Variants in TMEM108 observed in about 807,000 individuals in gnomAD.
TMEM108 encodes transmembrane protein 108.
Under a neutral mutation model 35.1 loss-of-function variants are expected in TMEM108, and 12 were observed. The ratio of observed to expected loss-of-function variants is 0.34; its 90% CI spans 0.22 to 0.55. The LOEUF (loss-of-function observed/expected upper bound fraction) is 0.55, where lower values mean the gene tolerates loss of function less well. Among genes scored for constraint, TMEM108 ranks in the 20% least tolerant of loss-of-function variants. The pLI, the probability that TMEM108 is intolerant of heterozygous loss-of-function variation, is 0.89. For missense variants in TMEM108, 680 were observed against 753.3 expected (o/e 0.90, Z 1.14); for synonymous variants, 287 against 308.6 (o/e 0.93, Z 0.73).
At chr3:133,327,727 T>C (rs1338895600) in intron 3 of TMEM108, among the ~76,000 whole-genome samples, 1 of 152,070 alleles carries the variant, frequency 6.6e-6, no homozygotes, top group Non-Finnish European at 1.5e-5. Flanking sequence ...CCTTTCTGAA[T>C]GGAAAGAGCA....
At chr3:133,058,778 G>A (rs754276177) in intron 2 of TMEM108, among the ~76,000 whole-genome samples, 12 of 152,186 alleles carry the variant, frequency 7.9e-5, no homozygotes, top group Non-Finnish European at 1.6e-4. Flanking sequence ...TCCCCAATTA[G>A]ATAAGGAGGC....
chr3:133,199,099 T>A (rs1256040171), intron 2 of TMEM108, among the ~76,000 whole-genome samples: 1 of 152,252 alleles, frequency 6.6e-6, no homozygotes, highest in Non-Finnish European at 1.5e-5. Context: ...AGGTTGTGCA[T>A]TCGTCACCTA....
chr3:133,187,325 C>G (rs1191713616), intron 2 of TMEM108, among the ~76,000 whole-genome samples: 4 of 152,194 alleles, frequency 2.6e-5, no homozygotes, highest in Middle Eastern at 3.2e-3. Context: ...CCACTACCAA[C>G]TTCAGTGTTT....
At chr3:133,189,295 T>C (rs1052451610) in intron 2 of TMEM108, among the ~76,000 whole-genome samples, 1 of 152,226 alleles carries the variant, frequency 6.6e-6, no homozygotes, top group Non-Finnish European at 1.5e-5. Context: ...AGATGACCTT[T>C]ACATAGAGAG....
At chr3:133,235,907 G>A (rs974152377) in intron 3 of TMEM108, among the ~76,000 whole-genome samples, 12 of 152,104 alleles carry the variant, frequency 7.9e-5, no homozygotes, top group Admixed American at 3.9e-4. Context: ...AAGGTAAAGA[G>A]CGTCATCACA....
chr3:133,143,666 G>C (rs1019070814), intron 2 of TMEM108, among the ~76,000 whole-genome samples: 1 of 152,204 alleles, frequency 6.6e-6, no homozygotes, highest in African/African-American at 2.4e-5. Context: ...AGATTTAGGT[G>C]TGTAATTCTC....
chr3:133,342,252 C>T (rs2071678723), intron 3 of TMEM108, among the ~76,000 whole-genome samples: 1 of 151,380 alleles, frequency 6.6e-6, no homozygotes, highest in Non-Finnish European at 1.5e-5. Flanking sequence ...CAAAAGAAGA[C>T]ATACACATGT....
At chr3:133,206,558 C>T (rs949623183) in intron 2 of TMEM108, among the ~76,000 whole-genome samples, 6 of 152,212 alleles carry the variant, frequency 3.9e-5, no homozygotes, top group Admixed American at 1.3e-4. Flanking sequence ...AGTCAGGCCC[C>T]TCTGCTGCAG....
chr3:133,240,662 A>G (rs549654719), intron 3 of TMEM108, among the ~76,000 whole-genome samples: 1 of 152,318 alleles, frequency 6.6e-6, no homozygotes, highest in East Asian at 1.9e-4. Flanking sequence ...TAGAATTTCA[A>G]GCTCTCATGT....
At chr3:133,201,871 G>A (rs112565547) in intron 2 of TMEM108, among the ~76,000 whole-genome samples, 2,489 of 152,164 alleles carry the variant, frequency 0.016, 78 homozygotes, top group African/African-American at 0.051. Context: ...TTGAGGGATC[G>A]CCACACTGTC....
At chr3:133,297,737 G>T (rs1947166056) in intron 3 of TMEM108, among the ~76,000 whole-genome samples, 1 of 152,202 alleles carries the variant, frequency 6.6e-6, no homozygotes, top group African/African-American at 2.4e-5. Flanking sequence ...AGAGCAAAAG[G>T]AGTGGTGGGG....
intron 3 of TMEM108, chr3:133,378,343 G>A (rs1410623471): frequency 8.1e-6 from 8 of 985,368 alleles, no homozygotes; most frequent in African/African-American, 1.7e-5. Flanking sequence ...TCTCGCCAGG[G>A]CCCTGCCTTC....
chr3:133,390,166 C>T lies in TMEM108; in HGVS notation c.1451-14C>T. 3 of 1,613,912 alleles carry T rather than the reference C, an allele frequency of 1.9e-6. No individual in the cohort carries two copies. The highest frequency in any genetic ancestry group is 2.5e-6 in the Non-Finnish European group (3 of 1,179,856). On this transcript the variant is annotated splice_polypyrimidine_tract_variant and intron_variant, in intron 4 of 5. Transcript: ENST00000321871. ...CTGCCTCCCTCTCCTCTCTGACTTGCACTCTCTCCATAGCTGTCCTGCTGA... is the reference window on the plus strand; with the variant it reads ...CTGCCTCCCTCTCCTCTCTGACTTGTACTCTCTCCATAGCTGTCCTGCTGA...
intron 3 of TMEM108, among the ~76,000 whole-genome samples, chr3:133,344,335 AAAT>A (rs1237956390): frequency 2.6e-5 from 4 of 151,848 alleles, no homozygotes; most frequent in African/African-American, 9.7e-5. Flanking sequence ...ATTGCACAGA[AAAT>A]AACATCAGTC....
intron 2 of TMEM108, among the ~76,000 whole-genome samples, chr3:133,097,758 A>T (rs1283228971): frequency 1.3e-5 from 2 of 152,180 alleles, no homozygotes; most frequent in African/African-American, 2.4e-5. Context: ...ACTTTTGAGG[A>T]TGAGGTCTAT....
At chr3:133,237,480 C>A (rs1946255472) in intron 3 of TMEM108, among the ~76,000 whole-genome samples, 1 of 152,124 alleles carries the variant, frequency 6.6e-6, no homozygotes, top group African/African-American at 2.4e-5. Flanking sequence ...CTTCACATTA[C>A]TGCCAAATTA....
chr3:133,149,684 T>C (rs1944770035), intron 2 of TMEM108, among the ~76,000 whole-genome samples: 1 of 152,182 alleles, frequency 6.6e-6, no homozygotes, highest in Admixed American at 6.6e-5. Context: ...TTCTTCTTTT[T>C]AAAGGCTGAA....
At chr3:133,077,760 G>A (rs973808640) in intron 2 of TMEM108, among the ~76,000 whole-genome samples, 19 of 152,160 alleles carry the variant, frequency 1.2e-4, no homozygotes, top group Non-Finnish European at 2.2e-4. Context: ...TCCTCTGCCT[G>A]CTGCTTAGGG....
rs562118407 is a variant in TMEM108, at chr3:133,214,068, A to G, written c.-46-15198A>G. On this transcript the variant is annotated intron_variant, in intron 2 of 5. Coordinates refer to ENST00000321871, the MANE Select transcript of TMEM108 (RefSeq NM_023943.4). ...ACTCTCTCAAATTGAGCTCTGGCCC[A>G]GTTTGTCTTGCATTCTGCTACTGGG... is the stretch of plus-strand genomic sequence containing the variant. Among the ~76,000 whole-genome samples, 4 of 152,260 alleles carry G rather than the reference A, an allele frequency of 2.6e-5. No individual in the cohort carries two copies. The South Asian group carries it at 8.3e-4, about 32-fold the overall frequency.
Sources: gnomAD v4.1 joint callset for allele counts (sites outside exome capture counted in the v4.1 genomes callset) on GRCh38, gnomAD v4.1.1 for gene constraint, MANE v1.5 for transcripts, NCBI Gene and HGNC (gene_info 2026-07-23, HGNC 2026-07-21) for gene names.